P2RY14: variants seen among roughly 807,000 people sequenced by gnomAD.
The protein encoded by P2RY14 is P2Y purinoceptor 14.
Under a neutral mutation model 0.9 loss-of-function variants are expected in P2RY14, and 2 were observed. That is an observed-to-expected ratio of 2.16 (90% CI 0.88 to 6.79). P2RY14 has a LOEUF of 6.79. Ranked by LOEUF, P2RY14 falls within the 30% of genes most tolerant of loss-of-function variation. The pLI, the probability that P2RY14 is intolerant of heterozygous loss-of-function variation, is 0.05. For missense variants in P2RY14, 378 were observed against 400.1 expected, an observed-to-expected ratio of 0.94 and a Z score of 0.47; for synonymous variants, 158 against 147.2, an observed-to-expected ratio of 1.07 and a Z score of -0.53.
At chr3:151,244,294 C>T (rs1310284749) in intron 1 of P2RY14, among the ~76,000 whole-genome samples, 2 of 127,670 alleles carry the variant, frequency 1.6e-5, no homozygotes, top group Non-Finnish European at 3.5e-5. Context: ...AACTCTCCAC[C>T]CCAAATCAAC....
intron 1 of P2RY14, among the ~76,000 whole-genome samples, chr3:151,221,312 C>G (rs1729301646): frequency 6.6e-6 from 1 of 152,188 alleles, no homozygotes; most frequent in East Asian, 1.9e-4. Flanking sequence ...AAAAGAAAAT[C>G]CCATCTTCTG....
At chr3:151,267,907 T>C (rs1326535448) in intron 1 of P2RY14, among the ~76,000 whole-genome samples, 1 of 152,212 alleles carries the variant, frequency 6.6e-6, no homozygotes, top group Admixed American at 6.5e-5. Context: ...TCTTTGTACG[T>C]AGAGTATTTT....
intron 1 of P2RY14, among the ~76,000 whole-genome samples, chr3:151,225,876 C>T (rs1730389880): frequency 6.6e-6 from 1 of 152,182 alleles, no homozygotes; most frequent in South Asian, 2.1e-4. Flanking sequence ...GACCTCTTTG[C>T]TTGCAGTTTT....
rs1457769125 is a variant in P2RY14 at position 151,213,452 on chromosome 3, A to G, written c.865T>C (p.Cys289Arg). ...AAGAAATAAATAATAGGGTCCAAGC[A>G]TACATTTGCAGCAGATAGTAGCAGA... ...FTLLLSAANV[C>R]LDPIIYFFLC... is the part of the protein sequence containing the mutation. The change falls in exon 3 of 3, where the codon TGC (cysteine) becomes CGC (arginine). Residue 289 changes from cysteine to arginine, a missense_variant. Transcript: ENST00000309170. 3 of 1,614,214 alleles carry G rather than the reference A, an allele frequency of 1.9e-6. No homozygotes were observed. The highest frequency in any genetic ancestry group is 2.5e-6 in the Non-Finnish European group (3 of 1,180,018).
chr3:151,228,872 T>A (rs1356952075), intron 1 of P2RY14, among the ~76,000 whole-genome samples: 1 of 152,192 alleles, frequency 6.6e-6, no homozygotes, highest in African/African-American at 2.4e-5. Flanking sequence ...GAATATGTGG[T>A]CCTATTCCCT....
intron 1 of P2RY14, among the ~76,000 whole-genome samples, chr3:151,271,310 A>G (rs1740896729): frequency 6.6e-6 from 1 of 152,242 alleles, no homozygotes. Flanking sequence ...TTAAAATAAT[A>G]AGGTAGTACT....
At chr3:151,229,744 C>T (rs975746535) in intron 1 of P2RY14, among the ~76,000 whole-genome samples, 3 of 152,114 alleles carry the variant, frequency 2.0e-5, no homozygotes, top group Admixed American at 6.5e-5. Context: ...GGATTACAGG[C>T]ATGAGCCACT....
At chr3:151,249,959 G>C (rs1736513492) in intron 1 of P2RY14, among the ~76,000 whole-genome samples, 1 of 152,106 alleles carries the variant, frequency 6.6e-6, no homozygotes, top group Non-Finnish European at 1.5e-5. Flanking sequence ...CTGTCCTAGA[G>C]AGGCATGCTC....
At chr3:151,235,238 C>T (rs1358925415) in intron 1 of P2RY14, among the ~76,000 whole-genome samples, 1 of 152,192 alleles carries the variant, frequency 6.6e-6, no homozygotes, top group Non-Finnish European at 1.5e-5. Context: ...GCATGTTTTC[C>T]TCAGTCTCAT....
chr3:151,262,827 A>C (rs548686093), intron 1 of P2RY14, among the ~76,000 whole-genome samples: 3 of 152,224 alleles, frequency 2.0e-5, no homozygotes, highest in Admixed American at 6.5e-5. Context: ...ACTCATTAAA[A>C]CCTGATAGCT....
chr3:151,256,944 C>G (rs913963060), intron 1 of P2RY14, among the ~76,000 whole-genome samples: 1 of 150,226 alleles, frequency 6.7e-6, no homozygotes, highest in Non-Finnish European at 1.5e-5. Flanking sequence ...AATCAAATAT[C>G]ACTTATCAAG....
intron 1 of P2RY14, among the ~76,000 whole-genome samples, chr3:151,243,093 C>T (rs1734561734): frequency 6.6e-6 from 1 of 151,210 alleles, no homozygotes; most frequent in Non-Finnish European, 1.5e-5. Context: ...ATGAGCAAAG[C>T]CTCCAAGAAA....
At chr3:151,246,541 A>G (rs1735526591) in intron 1 of P2RY14, among the ~76,000 whole-genome samples, 2 of 152,192 alleles carry the variant, frequency 1.3e-5, no homozygotes, top group African/African-American at 4.8e-5. Context: ...TATTTAATAA[A>G]TGGTGCTGGG....
At chr3:151,229,305 CTTTTTTTT>C (rs35097589) in intron 1 of P2RY14, among the ~76,000 whole-genome samples, 1 of 112,520 alleles carries the variant, frequency 8.9e-6, no homozygotes, top group South Asian at 2.9e-4. Flanking sequence ...TTCAGCAATT[CTTTTTTTT>C]TTTTTTTTTT....
chr3:151,233,714 C>A (rs918384500), intron 1 of P2RY14, among the ~76,000 whole-genome samples: 2 of 152,216 alleles, frequency 1.3e-5, no homozygotes, highest in Admixed American at 6.5e-5. Flanking sequence ...ACCTGGGCAA[C>A]AAGAGTGAAA....
chr3:151,246,769 T>C (rs1206607877), intron 1 of P2RY14, among the ~76,000 whole-genome samples: 1 of 151,964 alleles, frequency 6.6e-6, no homozygotes, highest in African/African-American at 2.4e-5. Context: ...AATTGACAAA[T>C]GGGATCTAAT....
At chr3:151,269,532 G>C (rs937118612) in intron 1 of P2RY14, 33 of 299,730 alleles carry the variant, frequency 1.1e-4, no homozygotes, top group Non-Finnish European at 2.0e-4. Context: ...TTTGGAAGAG[G>C]TCAAAATTGA....
At chr3:151,242,149 A>G (rs1485558598) in intron 1 of P2RY14, among the ~76,000 whole-genome samples, 1 of 152,198 alleles carries the variant, frequency 6.6e-6, no homozygotes, top group African/African-American at 2.4e-5. Flanking sequence ...GCTGATTGCT[A>G]GCACAGCAGT....
In P2RY14 at chr3:151,212,752, G is replaced by A. The variant is rs1727386908; in HGVS notation, c.*548C>T. 6.6e-6 allele frequency: 1 copy of A among 151,650 alleles called. No homozygotes were observed. Among genetic ancestry groups the A allele is most frequent in the African/African-American group, 2.4e-5 (1 of 41,246 alleles). 9.4% of individuals were successfully genotyped at this position (151,650 alleles called of 1,614,324 possible). A position where few individuals can be genotyped will look rare whatever the true frequency, so the allele number is the denominator to read the frequency against. ...CAGTGCCATGAAATACATCAATAAG[G>A]GGTTTCTTAAGTGATTGTCTGGGTG... On this transcript the variant is annotated 3_prime_UTR_variant, in exon 3 of 3. Transcript: ENST00000309170.
Sources: gnomAD v4.1 joint callset for allele counts (sites outside exome capture counted in the v4.1 genomes callset) on GRCh38, gnomAD v4.1.1 for gene constraint, MANE v1.5 for transcripts, NCBI Gene and HGNC (gene_info 2026-07-23, HGNC 2026-07-21) for gene names.